The following VSNL1 variants were observed in gnomAD, a reference collection of about 807,000 sequenced individuals.
The protein encoded by VSNL1 is visinin like 1.
In VSNL1, 6 loss-of-function variants were observed where a neutral mutation model predicts 20.4. That is an observed-to-expected ratio of 0.29 (90% CI 0.16 to 0.58). The LOEUF is 0.58. VSNL1 is among the 20% of genes least tolerant of loss of function. VSNL1 has a pLI of 0.90. For missense variants in VSNL1, 100 were observed against 234.5 expected (o/e 0.43, Z 3.75); for synonymous variants, 93 against 86.4 (o/e 1.08, Z -0.42).
intron 1 of VSNL1, among the ~76,000 whole-genome samples, chr2:17,559,602 G>T (rs1379852577): frequency 6.6e-6 from 1 of 152,052 alleles, no homozygotes; most frequent in Non-Finnish European, 1.5e-5. Flanking sequence ...ATGAGTAGGG[G>T]TAAACTAGAA....
chr2:17,638,273 C>A (rs1278755535), intron 2 of VSNL1, among the ~76,000 whole-genome samples: 3 of 152,190 alleles, frequency 2.0e-5, no homozygotes, highest in African/African-American at 7.2e-5. Context: ...GTGGAACCTA[C>A]TTCATAGGAT....
At chr2:17,567,076 A>G (rs1051224466) in intron 1 of VSNL1, among the ~76,000 whole-genome samples, 1 of 152,152 alleles carries the variant, frequency 6.6e-6, no homozygotes, top group Non-Finnish European at 1.5e-5. Flanking sequence ...AGTTGTCTTA[A>G]ATATTACTGA....
intron 2 of VSNL1, among the ~76,000 whole-genome samples, chr2:17,604,692 A>C (rs1384501196): frequency 2.0e-5 from 3 of 152,230 alleles, no homozygotes; most frequent in African/African-American, 7.2e-5. Context: ...TTCAGTCTGA[A>C]ATAAAGAAGC....
chr2:17,579,456 T>C (rs1461067100), intron 1 of VSNL1, among the ~76,000 whole-genome samples: 1 of 152,214 alleles, frequency 6.6e-6, no homozygotes, highest in Non-Finnish European at 1.5e-5. Context: ...TCTTGTTTTC[T>C]TTTCTGACAT....
intron 2 of VSNL1, among the ~76,000 whole-genome samples, chr2:17,597,049 A>T (rs188887175): frequency 3.9e-5 from 6 of 152,332 alleles, no homozygotes; most frequent in African/African-American, 1.2e-4. Flanking sequence ...TGCACAGAGG[A>T]GGGTGAGAGA....
Position 17,655,138 on chromosome 2 carries a change from A to G in VSNL1, c.379-59A>G, listed in dbSNP as rs1033323007. The G allele has an allele frequency of 4.5e-6, 7 of 1,558,374 alleles. No individual in the cohort carries two copies. Among genetic ancestry groups the G allele is most frequent in the Non-Finnish European group, 3.5e-6 (4 of 1,136,906 alleles). ...CCCGTCAGGTGAAAGGGAGGCAAGA[A>G]GAGCTCTCTGTCCTCCTGGGTTTCT... On this transcript the variant is annotated intron_variant, in intron 3 of 3. Coordinates refer to ENST00000295156, the MANE Select transcript of VSNL1 (RefSeq NM_003385.5). This position sits in a 1 kb window ranked among gnomAD's most constrained non-coding sequence, Gnocchi z 5.2.
At chr2:17,569,876 G>C (rs1028496696) in intron 1 of VSNL1, among the ~76,000 whole-genome samples, 3 of 152,122 alleles carry the variant, frequency 2.0e-5, no homozygotes, top group African/African-American at 4.8e-5. Context: ...CTCCATAATA[G>C]TTCCGTGATG....
chr2:17,654,822 T>G (rs1343513086), intron 3 of VSNL1, among the ~76,000 whole-genome samples: 1 of 152,220 alleles, frequency 6.6e-6, no homozygotes, highest in African/African-American at 2.4e-5. Flanking sequence ...TCCCTCCTAC[T>G]GCCCCTTGCC....
chr2:17,621,311 TC>T (rs200911372), intron 2 of VSNL1, among the ~76,000 whole-genome samples: 3 of 142,530 alleles, frequency 2.1e-5, no homozygotes, highest in Non-Finnish European at 4.8e-5. Context: ...TCTTTCTTTC[TC>T]CTTTTCTTTT....
At chr2:17,544,886 A>G (rs1349823136) in intron 1 of VSNL1, among the ~76,000 whole-genome samples, 1 of 152,174 alleles carries the variant, frequency 6.6e-6, no homozygotes, top group Non-Finnish European at 1.5e-5. Context: ...AGAATGATTG[A>G]TAGTTTTACT....
intron 1 of VSNL1, among the ~76,000 whole-genome samples, chr2:17,579,544 A>G (rs1440430077): frequency 6.6e-6 from 1 of 152,250 alleles, no homozygotes; most frequent in Non-Finnish European, 1.5e-5. Context: ...TGTTCTTACA[A>G]TGACCTGGCA....
At chr2:17,578,297 T>C (rs1372001877) in intron 1 of VSNL1, among the ~76,000 whole-genome samples, 3 of 152,202 alleles carry the variant, frequency 2.0e-5, no homozygotes, top group Non-Finnish European at 2.9e-5. Flanking sequence ...AAGGCACTGA[T>C]AACTGGCTCT....
intron 2 of VSNL1, among the ~76,000 whole-genome samples, chr2:17,607,791 G>A (rs1326510797): frequency 6.6e-6 from 1 of 152,212 alleles, no homozygotes; most frequent in Admixed American, 6.5e-5. Context: ...TAGCTTAACT[G>A]AAACTCAGTT....
Position 17,548,501 on chromosome 2 carries a change from T to G in VSNL1, c.-6+7583T>G, listed in dbSNP as rs893486626. 1.8e-4 allele frequency among the ~76,000 whole-genome samples: 28 copies of G among 152,294 alleles called. 2 individuals are homozygous for G. The highest frequency in any genetic ancestry group is 1.4e-3 in the Admixed American group (22 of 15,284). ...GTTCTAATTAATCTTTTGAGTTTAT[T>G]TTCTCACTGGTGAAAATAGGGATAA... On this transcript the variant is annotated intron_variant, in intron 1 of 3. Coordinates refer to ENST00000295156, the MANE Select transcript of VSNL1 (RefSeq NM_003385.5).
chr2:17,617,960 G>A (rs1398773548), intron 2 of VSNL1, among the ~76,000 whole-genome samples: 1 of 151,958 alleles, frequency 6.6e-6, no homozygotes, highest in Non-Finnish European at 1.5e-5. Flanking sequence ...AATAGGTGTG[G>A]TTTCCAGTGG....
chr2:17,632,936 T>C (rs1665669476), intron 2 of VSNL1, among the ~76,000 whole-genome samples: 1 of 152,200 alleles, frequency 6.6e-6, no homozygotes, highest in African/African-American at 2.4e-5. Flanking sequence ...GGCAGATCAC[T>C]TGAAGCTGGG....
At chr2:17,625,852 T>C (rs1313461082) in intron 2 of VSNL1, among the ~76,000 whole-genome samples, 1 of 150,278 alleles carries the variant, frequency 6.7e-6, no homozygotes, top group Admixed American at 6.6e-5. Flanking sequence ...TTTTTTTTTT[T>C]TTTTTTTTTT....
chr2:17,651,904 G>A (rs1037709364), intron 3 of VSNL1, among the ~76,000 whole-genome samples: 3 of 152,202 alleles, frequency 2.0e-5, no homozygotes, highest in Non-Finnish European at 2.9e-5. Flanking sequence ...CATTTATAGA[G>A]TGCTGAGATT....
At chr2:17,558,509 T>G (rs2103345648) in intron 1 of VSNL1, among the ~76,000 whole-genome samples, 1 of 152,300 alleles carries the variant, frequency 6.6e-6, no homozygotes, top group African/African-American at 2.4e-5. Flanking sequence ...ATCTAATGAT[T>G]ACAACTTCAT....
Sources: gnomAD v4.1 joint callset for allele counts (sites outside exome capture counted in the v4.1 genomes callset) on GRCh38, gnomAD v4.1.1 for gene constraint, Gnocchi (gnomAD v3.1) non-coding constraint, MANE v1.5 for transcripts, NCBI Gene and HGNC (gene_info 2026-07-23, HGNC 2026-07-21) for gene names.